Variants in PCDHGA7 observed in about 807,000 individuals in gnomAD.
PCDHGA7 encodes the protein protocadherin gamma-A7.
Under a neutral mutation model 58.3 loss-of-function variants are expected in PCDHGA7, and 44 were observed. The observed-to-expected ratio is 0.75, with a 90% CI of 0.59 to 0.97. The LOEUF (loss-of-function observed/expected upper bound fraction) is 0.97. PCDHGA7 is among the 50% of genes least tolerant of loss of function. PCDHGA7 has a pLI of 0.00. For synonymous variants in PCDHGA7, 516 were observed against 504.2 expected (o/e 1.02, Z -0.31); for missense variants, 1,266 against 1,188.7 (o/e 1.06, Z -0.96).
chr5:141,443,555 C>T (rs1284929219), intron 1 of PCDHGA7, among the ~76,000 whole-genome samples: 1 of 152,130 alleles, frequency 6.6e-6, no homozygotes, highest in East Asian at 1.9e-4. Flanking sequence ...TGTTCCAATT[C>T]AAATGCTTTA....
Position 141,403,985 on chromosome 5 carries a change from C to T in PCDHGA7, c.2424+18662C>T, listed in dbSNP as rs765326042. The T allele has an allele frequency of 5.7e-5, 92 of 1,613,546 alleles. No individual in the cohort carries two copies. The Admixed American group carries it at 7.2e-4, about 13-fold the overall frequency. On this transcript the variant is annotated intron_variant, in intron 1 of 3. Coordinates refer to ENST00000518325, the MANE Select transcript of PCDHGA7 (RefSeq NM_018920.4). ...GGTGGAAGATGTAAATGACAATAGA[C>T]CTGAAGTGACCATTACATCTCTGTT...
intron 1 of PCDHGA7, chr5:141,415,453 G>A (rs759873920): frequency 1.9e-6 from 3 of 1,614,176 alleles, no homozygotes. Context: ...CTATTCCCAC[G>A]AGGTCTCTCT....
chr5:141,401,712 A>G (rs987480271), intron 1 of PCDHGA7, among the ~76,000 whole-genome samples: 1 of 152,226 alleles, frequency 6.6e-6, no homozygotes, highest in Non-Finnish European at 1.5e-5. Flanking sequence ...TCCATTTTTA[A>G]GACAAAAACT....
chr5:141,429,450 A>G (rs1326036711), intron 1 of PCDHGA7, among the ~76,000 whole-genome samples: 1 of 152,114 alleles, frequency 6.6e-6, no homozygotes, highest in East Asian at 1.9e-4. Context: ...CTTGGGCTAC[A>G]GTAATCCTCC....
rs780578882 is a variant in PCDHGA7 at position 141,486,578 on chromosome 5, C to T, written c.2425-8229C>T. On this transcript the variant is annotated intron_variant, in intron 1 of 3. Coordinates refer to ENST00000518325, the MANE Select transcript of PCDHGA7 (RefSeq NM_018920.4). This position sits in a 1 kb window ranked among gnomAD's most constrained non-coding sequence, Gnocchi z 5.0. ...TGAGGTGTTTGTTCCTGAGAACAAT[C>T]GCCCAGGGGACCTGCTTTGCTCCCT... 1.6e-5 allele frequency: 26 copies of T among 1,613,728 alleles called. No homozygotes were observed. The highest frequency in any genetic ancestry group is 2.2e-5 in the South Asian group (2 of 91,072).
chr5:141,420,304 T>C, intron 1 of PCDHGA7: 1 of 1,462,822 alleles, frequency 6.8e-7, no homozygotes, highest in African/African-American at 1.4e-5. Context: ...TTTAATCCTT[T>C]TTATATTACA....
At chr5:141,505,574 C>T (rs1275802375) in intron 3 of PCDHGA7, 93 bp downstream of exon 3, 13 of 1,593,636 alleles carry the variant, frequency 8.2e-6, no homozygotes, top group Non-Finnish European at 1.1e-5. Context: ...GGATGTCAAA[C>T]CTGTGTAGTT....
At chr5:141,470,649 C>T (rs1486535307) in intron 1 of PCDHGA7, among the ~76,000 whole-genome samples, 1 of 152,160 alleles carries the variant, frequency 6.6e-6, no homozygotes, top group African/African-American at 2.4e-5. Flanking sequence ...TTGAAGGCCC[C>T]TACCCTTTGG....
chr5:141,419,660 A>C (rs759082983), intron 1 of PCDHGA7: 1 of 1,612,798 alleles, frequency 6.2e-7, no homozygotes, highest in Admixed American at 1.7e-5. Context: ...CTCGGGGCAC[A>C]ATGCCTGGCT....
In PCDHGA7 at chr5:141,486,336, G is replaced by A. The variant is rs534793835; in HGVS notation, c.2425-8471G>A. 3.8e-5 allele frequency: 61 copies of A among 1,613,992 alleles called. No individual in the cohort carries two copies. In the African/African-American group the frequency reaches 4.3e-4, roughly 11 times the overall value. On this transcript the variant is annotated intron_variant, in intron 1 of 3. Coordinates refer to ENST00000518325, the MANE Select transcript of PCDHGA7 (RefSeq NM_018920.4). The surrounding 1 kb of genome is among the most constrained non-coding windows in gnomAD (Gnocchi z 5.0). The stretch of plus-strand genomic sequence containing the variant: ...GGGTCAAACGGAGATGTGAGCCTCC[G>A]CATTCCTGACCACTTGCCATTTGCC...
In PCDHGA7 at chr5:141,476,073, A is replaced by C. The variant is rs765071344; in HGVS notation, c.2425-18734A>C. On this transcript the variant is annotated intron_variant, in intron 1 of 3. Coordinates refer to ENST00000518325, the MANE Select transcript of PCDHGA7 (RefSeq NM_018920.4). The surrounding 1 kb of genome is among the most constrained non-coding windows in gnomAD (Gnocchi z 7.6). ...GCTGAAAGTTTCTCAGCGAAATCTC[A>C]GGGACGATCTGGACCCCGCTGAGAG... 4 of 1,524,010 alleles carry C rather than the reference A, an allele frequency of 2.6e-6. No individual in the cohort carries two copies. Among genetic ancestry groups the C allele is most frequent in the Admixed American group, 4.2e-5 (2 of 47,746 alleles). The allele number at this position is 1,524,010 out of a possible 1,614,324, so 94.4% of individuals were successfully genotyped here. A position where few individuals can be genotyped will look rare whatever the true frequency, so the allele number is the denominator to read the frequency against.
chr5:141,385,152 G>C lies in PCDHGA7; in HGVS notation c.2253G>C (p.Gln751His). ...TGGACGGGGTGCAGGCTTTCCTGCA[G>C]ACCTATTCCCATGAGGTCTCCCTCA... Reference protein sequence around the residue: ...VGMDGVQAFLQTYSHEVSLTA... With the variant: ...VGMDGVQAFLHTYSHEVSLTA... Residue 751 changes from glutamine (Q) to histidine (H), a missense_variant, in exon 1 of 4, where the codon CAG (glutamine) becomes CAC (histidine). Gln to His is a conservative substitution (Grantham distance 24). Coordinates refer to ENST00000518325, the MANE Select transcript of PCDHGA7 (RefSeq NM_018920.4). The C allele has an allele frequency of 6.2e-7, 1 of 1,614,210 alleles. No individual in the cohort carries two copies. Among genetic ancestry groups the C allele is most frequent in the Non-Finnish European group, 8.5e-7 (1 of 1,180,042 alleles).
At chr5:141,424,120 C>A in intron 1 of PCDHGA7, 2 of 650,838 alleles carry the variant, frequency 3.1e-6, no homozygotes, top group Non-Finnish European at 3.9e-6. Context: ...AAATTTTGAT[C>A]CTGTTGATTT....
intron 1 of PCDHGA7, among the ~76,000 whole-genome samples, chr5:141,444,402 C>T (rs916833331): frequency 6.6e-6 from 1 of 151,932 alleles, no homozygotes; most frequent in African/African-American, 2.4e-5. Flanking sequence ...AACTCCCAAC[C>T]TCAGGTGATC....
In PCDHGA7 at chr5:141,491,723, G is replaced by A. The variant is rs764792125; in HGVS notation, c.2425-3084G>A. The A allele has an allele frequency of 1.7e-5, 27 of 1,606,770 alleles. No individual in the cohort carries two copies. In the African/African-American group the frequency reaches 3.2e-4, roughly 19 times the overall value. On this transcript the variant is annotated intron_variant, in intron 1 of 3. Coordinates refer to ENST00000518325, the MANE Select transcript of PCDHGA7 (RefSeq NM_018920.4). The surrounding 1 kb of genome is among the most constrained non-coding windows in gnomAD (Gnocchi z 6.9). The stretch of plus-strand genomic sequence containing the variant: ...CAGGTGAGGGGCTCGGCGCCGCCCC[G>A]GGCGACCCCTGGGGGCGGCACTGGA...
intron 1 of PCDHGA7, chr5:141,433,247 G>A (rs1393219042): frequency 2.8e-6 from 4 of 1,447,840 alleles, no homozygotes; most frequent in Non-Finnish European, 3.8e-6. Context: ...AAGCTGGAAT[G>A]CAGCGGTACG....
intron 1 of PCDHGA7, among the ~76,000 whole-genome samples, chr5:141,450,088 C>T (rs1358812478): frequency 1.3e-5 from 2 of 148,484 alleles, no homozygotes; most frequent in East Asian, 2.0e-4. Context: ...CTCACTGCAA[C>T]CTCCGCCTCC....
At chr5:141,403,163 A>G (rs1357883715) in intron 1 of PCDHGA7, 1 of 1,614,052 alleles carries the variant, frequency 6.2e-7, no homozygotes, top group Admixed American at 1.7e-5. Context: ...CTCTAGAGGT[A>G]GGACGCAGCT....
intron 1 of PCDHGA7, among the ~76,000 whole-genome samples, chr5:141,386,359 C>A (rs566341507): frequency 6.6e-6 from 1 of 152,014 alleles, no homozygotes; most frequent in African/African-American, 2.4e-5. Flanking sequence ...AATCTTGATT[C>A]CAGAGACCTT....
Sources: gnomAD v4.1 joint callset for allele counts (sites outside exome capture counted in the v4.1 genomes callset) on GRCh38, gnomAD v4.1.1 for gene constraint, Gnocchi (gnomAD v3.1) non-coding constraint, MANE v1.5 for transcripts, NCBI Gene and HGNC (gene_info 2026-07-23, HGNC 2026-07-21) for gene names.